The following ENPP6 variants were observed in gnomAD, a reference collection of about 807,000 sequenced individuals.
ENPP6 encodes ectonucleotide pyrophosphatase/phosphodiesterase 6.
Under a neutral mutation model 42.0 loss-of-function variants are expected in ENPP6, and 32 were observed. The observed-to-expected ratio is 0.76, with a 90% CI of 0.58 to 1.02. The LOEUF is 1.02. ENPP6 is among the 50% of genes least tolerant of loss of function. The pLI is 0.00. For missense variants in ENPP6, 552 were observed against 566.8 expected (o/e 0.97, Z 0.27); for synonymous variants, 213 against 216.0 (o/e 0.99, Z 0.12).
At chr4:184,215,047 C>A (rs1488762974) in intron 1 of ENPP6, among the ~76,000 whole-genome samples, 1 of 152,156 alleles carries the variant, frequency 6.6e-6, no homozygotes, top group Admixed American at 6.5e-5. Context: ...TGTCTGCATC[C>A]AGCAGCACCT....
At chr4:184,171,934 C>A (rs1737473665) in intron 1 of ENPP6, among the ~76,000 whole-genome samples, 1 of 152,132 alleles carries the variant, frequency 6.6e-6, no homozygotes, top group Non-Finnish European at 1.5e-5. Context: ...AAAGACAGGA[C>A]AGTCTCAGGA....
In ENPP6 at chr4:184,172,876, G is replaced by A. The variant is rs138933698; in HGVS notation, c.242-19143C>T. Among the ~76,000 whole-genome samples, 685 of 152,174 alleles carry A rather than the reference G, an allele frequency of 4.5e-3. 6 individuals are homozygous for A. The highest frequency in any genetic ancestry group is 0.014 in the Middle Eastern group (4 of 294). ...CATTCGTTCACCGTCTGTGGGAGGA[G>A]CAACAGAACGATATTTATCCAGTGT... On this transcript the variant is annotated intron_variant, in intron 1 of 7. Coordinates refer to ENST00000296741, the MANE Select transcript of ENPP6 (RefSeq NM_153343.4).
Position 184,109,987 on chromosome 4 carries a change from T to G in ENPP6, c.993+2685A>C, listed in dbSNP as rs138248598. 3.3e-3 allele frequency among the ~76,000 whole-genome samples: 494 copies of G among 151,768 alleles called. 6 individuals are homozygous for G. Among genetic ancestry groups the G allele is most frequent in the African/African-American group, 0.011 (460 of 41,324 alleles). On this transcript the variant is annotated intron_variant, in intron 6 of 7. Coordinates refer to ENST00000296741, the MANE Select transcript of ENPP6 (RefSeq NM_153343.4). ...CAGCAGAGTGTGGGGCGGGAGGATG[T>G]GGGGGAGATGGAAGGGAGAAGGTAC...
intron 1 of ENPP6, among the ~76,000 whole-genome samples, chr4:184,178,333 A>G (rs766021158): frequency 1.1e-4 from 16 of 152,192 alleles, no homozygotes; most frequent in Non-Finnish European, 1.8e-4. Flanking sequence ...AAAAGAATGA[A>G]AAGGAATGAG....
At chr4:184,196,742 G>A (rs1203691110) in intron 1 of ENPP6, among the ~76,000 whole-genome samples, 2 of 152,226 alleles carry the variant, frequency 1.3e-5, no homozygotes, top group Non-Finnish European at 2.9e-5. Flanking sequence ...GAGAAGGACT[G>A]AGAGTTCCCA....
chr4:184,190,382 A>G (rs4530679), intron 1 of ENPP6, among the ~76,000 whole-genome samples: 117,143 of 152,128 alleles, frequency 0.77, 46,632 homozygotes, highest in East Asian at 0.98. Flanking sequence ...TTGTGTGTGG[A>G]CTGTCACTGG....
intron 1 of ENPP6, among the ~76,000 whole-genome samples, chr4:184,198,931 C>A (rs1732845944): frequency 6.6e-6 from 1 of 152,302 alleles, no homozygotes; most frequent in Admixed American, 6.5e-5. Flanking sequence ...TGTTTTCCCT[C>A]CAACTGGCAA....
chr4:184,128,880 A>G (rs1393449352), intron 2 of ENPP6, among the ~76,000 whole-genome samples: 1 of 152,228 alleles, frequency 6.6e-6, no homozygotes, highest in Non-Finnish European at 1.5e-5. Context: ...GTAGGCCACA[A>G]TTGCATACTA....
intron 1 of ENPP6, among the ~76,000 whole-genome samples, chr4:184,157,774 A>ACTTTT (rs1553997755): frequency 8.2e-6 from 1 of 122,360 alleles, no homozygotes; most frequent in Non-Finnish European, 1.6e-5. Flanking sequence ...AACTTGGCTA[A>ACTTTT]TTTTTTTTTT....
rs868228958 is a variant in ENPP6, at chr4:184,099,344, C to A, written c.994-1976G>T. Among the ~76,000 whole-genome samples the A allele has an allele frequency of 4.6e-5, 7 of 152,222 alleles. No homozygotes were observed. In the South Asian group the frequency reaches 1.0e-3, roughly 23 times the overall value. On this transcript the variant is annotated intron_variant, in intron 6 of 7. Coordinates refer to ENST00000296741, the MANE Select transcript of ENPP6 (RefSeq NM_153343.4). ...TTGGTGCAGTTAGGTGGGTTAAATT[C>A]CAGCTGCTACTTTCTAGCTCTGGGA...
intron 3 of ENPP6, among the ~76,000 whole-genome samples, chr4:184,122,563 G>A (rs1736435628): frequency 1.3e-5 from 2 of 152,214 alleles, no homozygotes; most frequent in Admixed American, 6.5e-5. Context: ...AGGGAAGTCT[G>A]CTTAGACTGG....
Position 184,153,688 on chromosome 4 carries a change from T to A in ENPP6, c.287A>T (p.Asp96Val). The change falls in exon 2 of 8, where the codon GAC becomes GTC. Residue 96 changes from aspartate to valine, a missense_variant. Asp to Val is a radical substitution (Grantham distance 152). Around this residue, in one of 2 missense-constraint regions of ENPP6, gnomAD observed 545 missense variants for 546.3 expected, o/e 1.00. Transcript: ENST00000296741. ...VHQMIGNYMW[D>V]PTTNKSFDIG... is the part of the protein sequence containing the mutation. ...GTCAAAGGACTTGTTGGTGGTGGGG[T>A]CCCACATGTAGTTCCCGATCATCTG... 6.2e-7 allele frequency: 1 copy of A among 1,614,130 alleles called. No individual in the cohort carries two copies.
intron 1 of ENPP6, among the ~76,000 whole-genome samples, chr4:184,160,286 T>C (rs976440411): frequency 6.6e-6 from 1 of 152,240 alleles, no homozygotes; most frequent in East Asian, 1.9e-4. Context: ...AAAAATGTTC[T>C]CTTTTCACCA....
chr4:184,202,716 G>A lies in ENPP6; in HGVS notation c.241+14863C>T, dbSNP rs554257091. The stretch of plus-strand genomic sequence containing the variant: ...TGGGTCCCAGAATGAAGAGGAAATC[G>A]GAGGGGAGGTCATTCCTCAAGGCCA... On this transcript the variant is annotated intron_variant, in intron 1 of 7. Transcript: ENST00000296741. Among the ~76,000 whole-genome samples, 30 of 152,246 alleles carry A rather than the reference G, an allele frequency of 2.0e-4. 1 individual carries two copies. Among genetic ancestry groups the A allele is most frequent in the East Asian group, 1.5e-3 (8 of 5,180 alleles).
chr4:184,203,380 G>A (rs181023340), intron 1 of ENPP6, among the ~76,000 whole-genome samples: 6 of 152,336 alleles, frequency 3.9e-5, no homozygotes, highest in Admixed American at 2.6e-4. Context: ...TGGACCATGC[G>A]TAATGGGTTG....
At chr4:184,206,102 T>C (rs1732991912) in intron 1 of ENPP6, among the ~76,000 whole-genome samples, 1 of 151,992 alleles carries the variant, frequency 6.6e-6, no homozygotes, top group Non-Finnish European at 1.5e-5. Flanking sequence ...GGTACCTACA[T>C]TGAAGGAGGC....
chr4:184,114,117 T>C (rs967727575), intron 5 of ENPP6, among the ~76,000 whole-genome samples: 13 of 151,972 alleles, frequency 8.6e-5, no homozygotes, highest in African/African-American at 2.9e-4. Context: ...AGGCACCCAC[T>C]GCTACACCCA....
At chr4:184,188,697 T>C (rs1732672989) in intron 1 of ENPP6, among the ~76,000 whole-genome samples, 1 of 152,128 alleles carries the variant, frequency 6.6e-6, no homozygotes, top group Non-Finnish European at 1.5e-5. Context: ...AAGCAAGTCT[T>C]CTGAGAAAAG....
intron 1 of ENPP6, among the ~76,000 whole-genome samples, chr4:184,183,452 T>G (rs1355716439): frequency 6.6e-6 from 1 of 152,068 alleles, no homozygotes; most frequent in Non-Finnish European, 1.5e-5. Flanking sequence ...AATTCTCCTT[T>G]TACAATTTAA....
Sources: allele counts gnomAD v4.1 joint callset (sites outside exome capture counted in the v4.1 genomes callset), GRCh38; gene constraint gnomAD v4.1.1; regional missense constraint gnomAD v4.1.1; transcripts MANE v1.5; gene names NCBI Gene and HGNC (gene_info 2026-07-23, HGNC 2026-07-21).